CSMD1: variants seen among roughly 807,000 people sequenced by gnomAD.
CSMD1 encodes the protein CUB and Sushi multiple domains 1.
A neutral mutation model predicts 417.5 loss-of-function variants in CSMD1; 213 were observed. That is an observed-to-expected ratio of 0.51 (90% CI 0.46 to 0.57). CSMD1 has a LOEUF of 0.57. Ranked by LOEUF, CSMD1 falls within the 20% of genes least tolerant of loss-of-function variation. CSMD1 has a pLI of 0.00. For synonymous variants in CSMD1, 2,862 were observed against 1,736.8 expected (o/e 1.65, Z -16.11); for missense variants, 6,923 against 4,529.7 (o/e 1.53, Z -15.17).
At chr8:3,944,212 A>G (rs189759687) in intron 5 of CSMD1, among the ~76,000 whole-genome samples, 18 of 152,268 alleles carry the variant, frequency 1.2e-4, no homozygotes, top group Admixed American at 1.2e-3. Context: ...ATAAAAAGTT[A>G]AGAAAACTGT....
chr8:3,310,393 AG>A (rs1805235879), intron 23 of CSMD1, among the ~76,000 whole-genome samples: 2 of 152,220 alleles, frequency 1.3e-5, no homozygotes, highest in African/African-American at 4.8e-5. Flanking sequence ...TTTAGAAGGC[AG>A]TCCTGCCCAG....
At chr8:4,486,168 TATATATACATAC>T (rs1265857797) in intron 2 of CSMD1, among the ~76,000 whole-genome samples, 23 of 10,890 alleles carry the variant, frequency 2.1e-3, no homozygotes, top group African/African-American at 8.7e-3. Context: ...CATACATATA[TATATATACATAC>T]ATATATATAT....
intron 2 of CSMD1, among the ~76,000 whole-genome samples, chr8:4,461,322 G>T (rs1331816543): frequency 6.6e-6 from 1 of 151,826 alleles, no homozygotes; most frequent in East Asian, 1.9e-4. Flanking sequence ...TCAGCAATAA[G>T]ACAAATTCTA....
chr8:3,452,491 A>G (rs1226596722), intron 12 of CSMD1, among the ~76,000 whole-genome samples: 5 of 152,210 alleles, frequency 3.3e-5, no homozygotes, highest in Admixed American at 6.5e-5. Context: ...CATACATCCC[A>G]TCAATACCTA....
At chr8:4,897,007 A>T (rs946159628) in intron 1 of CSMD1, among the ~76,000 whole-genome samples, 2 of 152,050 alleles carry the variant, frequency 1.3e-5, no homozygotes, top group African/African-American at 4.8e-5. Context: ...TTTTACACTG[A>T]CTTCTCTTTT....
chr8:3,696,399 G>T (rs546065738), intron 7 of CSMD1, among the ~76,000 whole-genome samples: 2 of 152,080 alleles, frequency 1.3e-5, no homozygotes, highest in African/African-American at 2.4e-5. Flanking sequence ...ATCTTCAAAC[G>T]TGACTTAGTT....
At chr8:4,094,013 A>ATAG (rs2130856525) in intron 3 of CSMD1, among the ~76,000 whole-genome samples, 1 of 121,592 alleles carries the variant, frequency 8.2e-6, no homozygotes, top group African/African-American at 3.1e-5. Context: ...TAGATAGATA[A>ATAG]AGAAAAAAGA....
At chr8:4,282,543 T>G (rs1192350354) in intron 3 of CSMD1, among the ~76,000 whole-genome samples, 1 of 152,230 alleles carries the variant, frequency 6.6e-6, no homozygotes, top group Non-Finnish European at 1.5e-5. Context: ...ATGTGTAATG[T>G]GTTTTTCTAT....
intron 3 of CSMD1, among the ~76,000 whole-genome samples, chr8:4,175,461 A>C (rs200974140): frequency 0.2 from 30,303 of 152,076 alleles, 3,106 homozygotes; most frequent in East Asian, 0.3. Context: ...TTATGATAGC[A>C]AAAGCATCCA....
chr8:3,268,723 C>T (rs1237089347), intron 26 of CSMD1, among the ~76,000 whole-genome samples: 1 of 152,082 alleles, frequency 6.6e-6, no homozygotes, highest in Non-Finnish European at 1.5e-5. Context: ...ATTTCTTTCT[C>T]CATGGGGTAC....
In CSMD1 at chr8:4,619,881, C is replaced by A. The variant is rs537324678; in HGVS notation, c.302+17461G>T. Among the ~76,000 whole-genome samples the A allele has an allele frequency of 4.6e-5, 7 of 152,054 alleles. No homozygotes were observed. The South Asian group carries it at 1.5e-3, about 32-fold the overall frequency. ...AAATGAAGTCATTTTAGGACAATTA[C>A]AGCATAAATATTAGTACTGGGCCAA... On this transcript the variant is annotated intron_variant, in intron 2 of 69. Transcript: ENST00000635120.
chr8:3,683,104 A>T (rs2117619838), intron 7 of CSMD1, among the ~76,000 whole-genome samples: 1 of 152,256 alleles, frequency 6.6e-6, no homozygotes, highest in South Asian at 2.1e-4. Context: ...CTAAATGACA[A>T]GCTAATGGGT....
At chr8:3,203,416 GAGA>G (rs1563139175) in intron 31 of CSMD1, among the ~76,000 whole-genome samples, 1 of 152,212 alleles carries the variant, frequency 6.6e-6, no homozygotes, top group East Asian at 1.9e-4. Context: ...AGAATGTGAT[GAGA>G]AGAACAAACA....
chr8:4,427,828 T>C (rs10101304), intron 2 of CSMD1, among the ~76,000 whole-genome samples: 80,326 of 151,928 alleles, frequency 0.53, 21,570 homozygotes, highest in Non-Finnish European at 0.58. Context: ...GTTTAACCTA[T>C]TGAATAATTC....
chr8:3,535,238 C>CCACCG (rs754714900), intron 10 of CSMD1, among the ~76,000 whole-genome samples: 119 of 152,298 alleles, frequency 7.8e-4, no homozygotes, highest in African/African-American at 1.9e-3. Flanking sequence ...CAGGCATGAG[C>CCACCG]CACCGCACCC....
intron 3 of CSMD1, among the ~76,000 whole-genome samples, chr8:4,221,617 G>C (rs140235140): frequency 3.3e-5 from 5 of 152,242 alleles, no homozygotes; most frequent in Non-Finnish European, 7.4e-5. Context: ...TCTGAGAATA[G>C]TGAATAAGAC....
At chr8:4,480,455 C>G (rs1027789136) in intron 2 of CSMD1, among the ~76,000 whole-genome samples, 2 of 152,172 alleles carry the variant, frequency 1.3e-5, no homozygotes, top group African/African-American at 4.8e-5. Context: ...TAACCTTCTA[C>G]TCTCATAAAA....
chr8:3,646,815 TC>T (rs1394727165), intron 7 of CSMD1, among the ~76,000 whole-genome samples: 1 of 151,992 alleles, frequency 6.6e-6, no homozygotes, highest in Non-Finnish European at 1.5e-5. Context: ...CTGTCTTGCT[TC>T]CCCTGCCTCC....
At chr8:4,327,057 C>T (rs1476191510) in intron 3 of CSMD1, among the ~76,000 whole-genome samples, 2 of 152,064 alleles carry the variant, frequency 1.3e-5, no homozygotes, top group Non-Finnish European at 2.9e-5. Flanking sequence ...ACTCAGAAGA[C>T]GACTTCAAAT....
Sources: gnomAD v4.1 joint callset for allele counts (sites outside exome capture counted in the v4.1 genomes callset) on GRCh38, gnomAD v4.1.1 for gene constraint, MANE v1.5 for transcripts, NCBI Gene and HGNC (gene_info 2026-07-23, HGNC 2026-07-21) for gene names.